The following NKD1 variants were observed in gnomAD, a reference collection of about 807,000 sequenced individuals.
NKD1 encodes the protein protein naked cuticle homolog 1.
Under a neutral mutation model 56.0 loss-of-function variants are expected in NKD1, and 21 were observed. The ratio of observed to expected loss-of-function variants is 0.38; its 90% confidence interval spans 0.27 to 0.54. The LOEUF (loss-of-function observed/expected upper bound fraction) is 0.54, where lower values mean the gene tolerates loss of function less well. NKD1 is among the 20% of genes least tolerant of loss of function. The pLI, the probability that NKD1 is intolerant of heterozygous loss-of-function variation, is 0.82. For missense variants in NKD1, 578 were observed against 642.7 expected, an observed-to-expected ratio of 0.90 and a Z score of 1.09; for synonymous variants, 263 against 265.7, an observed-to-expected ratio of 0.99 and a Z score of 0.10.
At chr16:50,557,437 G>T (rs1486268033) in intron 3 of NKD1, 1 of 152,194 alleles carries the variant, frequency 6.6e-6, no homozygotes, top group Non-Finnish European at 1.5e-5. Flanking sequence ...TATTGCATTG[G>T]TTAGAATCTC....
intron 3 of NKD1, chr16:50,571,066 G>C: frequency 2.2e-6 from 2 of 912,412 alleles, no homozygotes; most frequent in South Asian, 5.0e-5. Context: ...CCCTGGGGCT[G>C]CCTTTGAAGG....
rs1962508250 is a variant in NKD1 at position 50,638,153 on chromosome 16, C to T, written c.*4372C>T. ...GGCAGGAGGAGGGGAAGTCTGCCTG[C>T]ATCTTGGTGTGTCTGTCAGATGCCA... On this transcript the variant is annotated 3_prime_UTR_variant, in exon 10 of 10. Coordinates refer to ENST00000268459, the MANE Select transcript of NKD1 (RefSeq NM_033119.5). 1 of 152,210 alleles carries T rather than the reference C, an allele frequency of 6.6e-6. No homozygotes were observed. The highest frequency in any genetic ancestry group is 1.5e-5 in the Non-Finnish European group (1 of 68,070). 9.4% of individuals were successfully genotyped at this position (152,210 alleles called of 1,614,324 possible).
intron 4 of NKD1, among the ~76,000 whole-genome samples, chr16:50,617,175 G>C (rs1184996017): frequency 6.6e-6 from 1 of 152,142 alleles, no homozygotes; most frequent in Non-Finnish European, 1.5e-5. Context: ...GGTCCCCAAG[G>C]AGCCTCCCAT....
In NKD1 at chr16:50,632,396, C is replaced by T; in HGVS notation, c.811C>T (p.Gln271Ter). The T allele has an allele frequency of 6.2e-7, 1 of 1,614,048 alleles. No individual in the cohort carries two copies. Among genetic ancestry groups the T allele is most frequent in the South Asian group, 1.1e-5 (1 of 91,078 alleles). ...CGCCGGGATAGAAAACTACACGTCCCAATTTGGGCCTGGTAAGGGACTCAA... is the reference window on the plus strand; with the variant it reads ...CGCCGGGATAGAAAACTACACGTCCTAATTTGGGCCTGGTAAGGGACTCAA... ...DLAGIENYTSQFGPGSPSVAQ... is the reference protein window; with the variant it reads ...DLAGIENYTS Residue 271 changes from glutamine to a stop codon, truncating the protein, a stop_gained, in exon 9 of 10, where the codon CAA (glutamine) becomes TAA (stop). Coordinates refer to ENST00000268459, the MANE Select transcript of NKD1 (RefSeq NM_033119.5). LOFTEE classifies it high-confidence loss of function. This position sits in a 1 kb window ranked among gnomAD's most constrained non-coding sequence, Gnocchi z 4.1.
chr16:50,607,816 G>T (rs548519087), intron 3 of NKD1: 1 of 165,454 alleles, frequency 6.0e-6, no homozygotes, highest in East Asian at 1.6e-4. Context: ...TTCCATATTT[G>T]GAGTTATCCT....
intron 3 of NKD1, among the ~76,000 whole-genome samples, chr16:50,602,937 T>A (rs537207279): frequency 6.6e-6 from 1 of 152,360 alleles, no homozygotes; most frequent in South Asian, 2.1e-4. Flanking sequence ...CATCACTGGA[T>A]TCGAATGTGC....
chr16:50,582,180 T>C (rs576985557), intron 3 of NKD1, among the ~76,000 whole-genome samples: 48 of 152,176 alleles, frequency 3.2e-4, no homozygotes, highest in African/African-American at 1.1e-3. Flanking sequence ...TCCATTAGAG[T>C]CAGTGGGCCT....
intron 3 of NKD1, among the ~76,000 whole-genome samples, chr16:50,569,258 A>G (rs1023948049): frequency 5.3e-5 from 8 of 152,228 alleles, no homozygotes; most frequent in African/African-American, 1.9e-4. Context: ...GCTTCATGCT[A>G]CAGCGTTTTA....
intron 4 of NKD1, among the ~76,000 whole-genome samples, chr16:50,620,435 G>A (rs1041486312): frequency 6.6e-6 from 1 of 152,196 alleles, no homozygotes; most frequent in Non-Finnish European, 1.5e-5. Flanking sequence ...GTCCTGCCTT[G>A]CCTTCCTCTC....
At chr16:50,582,873 G>A (rs1027750512) in intron 3 of NKD1, among the ~76,000 whole-genome samples, 1 of 152,196 alleles carries the variant, frequency 6.6e-6, no homozygotes, top group African/African-American at 2.4e-5. Context: ...CAGATGTGGT[G>A]GTGGGCACCT....
At chr16:50,596,802 A>T (rs773199501) in intron 3 of NKD1, among the ~76,000 whole-genome samples, 3 of 152,098 alleles carry the variant, frequency 2.0e-5, no homozygotes, top group Non-Finnish European at 2.9e-5. Context: ...ATTTGGGAAG[A>T]CCTCACCTAG....
rs1962564601 is a variant in NKD1 at position 50,640,807 on chromosome 16, C to G, written c.*7026C>G. ...GAAAAAGAATAGAAAATTGCAGTCC[C>G]TTACTGTTTAAAGAAAAACCAAAAG... On this transcript the variant is annotated 3_prime_UTR_variant, in exon 10 of 10. Coordinates refer to ENST00000268459, the MANE Select transcript of NKD1 (RefSeq NM_033119.5). 1 of 151,634 alleles carries G rather than the reference C, an allele frequency of 6.6e-6. No individual in the cohort carries two copies. Among genetic ancestry groups the G allele is most frequent in the African/African-American group, 2.4e-5 (1 of 41,288 alleles). 9.4% of individuals were successfully genotyped at this position (151,634 alleles called of 1,614,324 possible). A position where few individuals can be genotyped will look rare whatever the true frequency, so the allele number is the denominator to read the frequency against.
At chr16:50,626,438 G>A (rs757640937) in intron 6 of NKD1, among the ~76,000 whole-genome samples, 7 of 151,892 alleles carry the variant, frequency 4.6e-5, no homozygotes, top group Non-Finnish European at 1.0e-4. Context: ...AGGCCTCCTG[G>A]AGGGTCCAGG....
Position 50,584,278 on chromosome 16 carries a change from C to T in NKD1, c.193-24016C>T, listed in dbSNP as rs56397252. Among the ~76,000 whole-genome samples the T allele has an allele frequency of 5.7e-3, 873 of 152,298 alleles. 4 individuals are homozygous for T. The highest frequency in any genetic ancestry group is 0.02 in the African/African-American group (821 of 41,552). On this transcript the variant is annotated intron_variant, in intron 3 of 9. Coordinates refer to ENST00000268459, the MANE Select transcript of NKD1 (RefSeq NM_033119.5). ...GGGTCTGAGAGAGGAAGTGGACTCC[C>T]CAGTGCCTTATCAAGTTTCTGTATC... is the stretch of plus-strand genomic sequence containing the variant.
intron 3 of NKD1, among the ~76,000 whole-genome samples, chr16:50,563,531 A>G (rs12926910): frequency 3.1e-3 from 260 of 82,872 alleles, no homozygotes; most frequent in Middle Eastern, 0.02. Context: ...TCCATCCTCA[A>G]TGGGCACAGC....
chr16:50,574,054 T>G, intron 3 of NKD1: 3 of 850,202 alleles, frequency 3.5e-6, no homozygotes, highest in Non-Finnish European at 4.2e-6. Flanking sequence ...TTTGAAATAG[T>G]CTCACTCCCG....
chr16:50,548,499 G>A lies in NKD1; in HGVS notation c.-55G>A. 7.4e-7 allele frequency: 1 copy of A among 1,357,408 alleles called. No individual in the cohort carries two copies. The highest frequency in any genetic ancestry group is 1.6e-5 in the African/African-American group (1 of 64,450). The allele number at this position is 1,357,408 out of a possible 1,614,324, so 84.1% of individuals were successfully genotyped here. On this transcript the variant is annotated 5_prime_UTR_variant, in exon 1 of 10. Transcript: ENST00000268459. Reference sequence around the variant, plus strand: ...AGGAGGAGAGCCAAGGGAGGCGCCAGGCCCGCGGGCCGGGCGCATGGCTTA... The same window carrying A: ...AGGAGGAGAGCCAAGGGAGGCGCCAAGCCCGCGGGCCGGGCGCATGGCTTA...
intron 3 of NKD1, among the ~76,000 whole-genome samples, chr16:50,581,981 T>C (rs970754587): frequency 6.6e-6 from 1 of 152,090 alleles, no homozygotes; most frequent in Non-Finnish European, 1.5e-5. Context: ...GCTGCTGGGG[T>C]GGAAGGGATT....
In NKD1 at chr16:50,633,904, C is replaced by T. The variant is rs2151281834; in HGVS notation, c.*123C>T. Reference sequence around the variant, plus strand: ...TTGTTATTAATAATTATTGTTACTCCACTAATATTTAGCTAGCCTACATGT... The same window carrying T: ...TTGTTATTAATAATTATTGTTACTCTACTAATATTTAGCTAGCCTACATGT... On this transcript the variant is annotated 3_prime_UTR_variant, in exon 10 of 10. Transcript: ENST00000268459. This position sits in a 1 kb window ranked among gnomAD's most constrained non-coding sequence, Gnocchi z 4.9. 3 of 555,044 alleles carry T rather than the reference C, an allele frequency of 5.4e-6. No individual in the cohort carries two copies. The highest frequency in any genetic ancestry group is 7.1e-4 in the Middle Eastern group (2 of 2,832). 34.4% of individuals were successfully genotyped at this position (555,044 alleles called of 1,614,324 possible).
Sources: allele counts gnomAD v4.1 joint callset (sites outside exome capture counted in the v4.1 genomes callset), GRCh38; gene constraint gnomAD v4.1.1; non-coding constraint Gnocchi (gnomAD v3.1); transcripts MANE v1.5; gene names NCBI Gene and HGNC (gene_info 2026-07-23, HGNC 2026-07-21).